The following PTPRN2 variants were observed in gnomAD, a reference collection of about 807,000 sequenced individuals.
The protein encoded by PTPRN2 is protein tyrosine phosphatase receptor type N2.
In PTPRN2, 74 loss-of-function variants were observed where a neutral mutation model predicts 118.8. The observed-to-expected ratio is 0.62, with a 90% confidence interval of 0.52 to 0.76. The LOEUF (loss-of-function observed/expected upper bound fraction) is 0.76, where lower values mean the gene tolerates loss of function less well. Ranked by LOEUF, PTPRN2 falls within the 30% of genes least tolerant of loss-of-function variation. The probability of loss-of-function intolerance (pLI) is 0.00; values close to 1 mark genes in which losing one functional copy is unlikely to be tolerated. For missense variants in PTPRN2, 1,481 were observed against 1,394.4 expected (o/e 1.06, Z -0.99); for synonymous variants, 641 against 608.0 (o/e 1.05, Z -0.80).
At chr7:157,873,982 C>T (rs956738058) in intron 12 of PTPRN2, among the ~76,000 whole-genome samples, 2 of 152,196 alleles carry the variant, frequency 1.3e-5, no homozygotes, top group African/African-American at 2.4e-5. Flanking sequence ...ACAACTCCGG[C>T]AAAGTCCCAG....
intron 6 of PTPRN2, among the ~76,000 whole-genome samples, chr7:158,152,384 G>T (rs1821282729): frequency 6.6e-6 from 1 of 152,156 alleles, no homozygotes; most frequent in Non-Finnish European, 1.5e-5. Context: ...CTGTCTTCAG[G>T]CAGGAGTAGC....
rs1311005483 is a variant in PTPRN2 at position 158,363,944 on chromosome 7, C to CAGACACACACGCACATGGGG, written c.164-47013_164-47012insCCCCATGTGCGTGTGTGTCT. Among the ~76,000 whole-genome samples, 3 of 152,180 alleles carry CAGACACACACGCACATGGGG rather than the reference C, an allele frequency of 2.0e-5. No individual in the cohort carries two copies. In the East Asian group the frequency reaches 5.8e-4, roughly 29 times the overall value. On this transcript the variant is annotated intron_variant, in intron 2 of 22. Transcript: ENST00000389418. ...GCAGACAACCACACACACACATGCA[C>CAGACACACACGCACATGGGG]AGACACACATGCACATGGGGAGACA...
intron 4 of PTPRN2, among the ~76,000 whole-genome samples, chr7:158,199,333 T>C (rs193240690): frequency 1.3e-5 from 2 of 152,322 alleles, no homozygotes; most frequent in South Asian, 4.1e-4. Context: ...CACTCATACC[T>C]ACTGCTTTGC....
intron 11 of PTPRN2, among the ~76,000 whole-genome samples, chr7:157,933,466 T>C (rs1310256248): frequency 2.1e-5 from 3 of 143,784 alleles, no homozygotes; most frequent in Admixed American, 6.9e-5. Flanking sequence ...GTCACTCTGA[T>C]TGACAGTTTT....
chr7:158,533,888 C>A (rs141679760), intron 1 of PTPRN2, among the ~76,000 whole-genome samples: 1 of 152,240 alleles, frequency 6.6e-6, no homozygotes, highest in African/African-American at 2.4e-5. Context: ...TCAGGCCCTC[C>A]GTGCCGCCGT....
At chr7:158,168,332 G>A (rs1278388720) in intron 5 of PTPRN2, among the ~76,000 whole-genome samples, 1 of 152,244 alleles carries the variant, frequency 6.6e-6, no homozygotes, top group Non-Finnish European at 1.5e-5. Context: ...AATGAGAGGA[G>A]CTGCTCCCAG....
chr7:157,568,947 C>T lies in PTPRN2; in HGVS notation c.2857G>A (p.Gly953Ser), dbSNP rs563011675. The stretch of plus-strand genomic sequence containing the variant: ...ACCATGTCGATCAGGACGTAGGTGC[C>T]GCTCCGGCCTGCACCGTCACTGCCA... Reference protein sequence around the residue: ...VHCSDGAGRSGTYVLIDMVLN... With the variant: ...VHCSDGAGRSSTYVLIDMVLN... Residue 953 changes from glycine (G) to serine (S), a missense_variant, in exon 21 of 23, where the codon GGC becomes AGC. Gly to Ser is a moderately conservative substitution (Grantham distance 56). This residue lies in a region of PTPRN2 where 362 missense variants were observed against 384.1 expected (regional missense o/e 0.94). Coordinates refer to ENST00000389418, the MANE Select transcript of PTPRN2 (RefSeq NM_002847.5). 5 of 1,578,110 alleles carry T rather than the reference C, an allele frequency of 3.2e-6. No individual in the cohort carries two copies. The African/African-American group carries it at 4.0e-5, about 13-fold the overall frequency.
intron 2 of PTPRN2, among the ~76,000 whole-genome samples, chr7:158,374,249 G>A (rs1311736966): frequency 6.6e-6 from 1 of 152,136 alleles, no homozygotes; most frequent in Non-Finnish European, 1.5e-5. Context: ...CAATCACAAA[G>A]CTCCCTTGTC....
At chr7:157,781,552 C>T (rs1803681259) in intron 12 of PTPRN2, among the ~76,000 whole-genome samples, 1 of 152,178 alleles carries the variant, frequency 6.6e-6, no homozygotes, top group Non-Finnish European at 1.5e-5. Context: ...AATACTATCC[C>T]AGAGAGCCTG....
intron 11 of PTPRN2, among the ~76,000 whole-genome samples, chr7:158,045,091 T>C (rs1178872667): frequency 6.6e-6 from 1 of 152,176 alleles, no homozygotes; most frequent in Non-Finnish European, 1.5e-5. Flanking sequence ...ATATGCATGA[T>C]ATTGACCCCT....
At chr7:158,370,902 A>G (rs1809938652) in intron 2 of PTPRN2, among the ~76,000 whole-genome samples, 1 of 152,246 alleles carries the variant, frequency 6.6e-6, no homozygotes, top group African/African-American at 2.4e-5. Context: ...ACCACACAAA[A>G]TTAACAATTT....
Position 157,596,253 on chromosome 7 carries a change from G to C in PTPRN2, c.2419-938C>G, listed in dbSNP as rs1008446423. ...GCTTGTTTTTGTGTATCCTGGAAAG[G>C]GGGCACAGGCACAGCCGGTCAGCCT... On this transcript the variant is annotated intron_variant, in intron 16 of 22. Transcript: ENST00000389418. This position sits in a 1 kb window ranked among gnomAD's most constrained non-coding sequence, Gnocchi z 4.2. Among the ~76,000 whole-genome samples the C allele has an allele frequency of 9.2e-5, 14 of 152,180 alleles. No homozygotes were observed. Among genetic ancestry groups the C allele is most frequent in the African/African-American group, 3.4e-4 (14 of 41,458 alleles).
intron 11 of PTPRN2, among the ~76,000 whole-genome samples, chr7:157,914,765 C>T (rs1798302259): frequency 6.6e-6 from 1 of 152,146 alleles, no homozygotes; most frequent in Admixed American, 6.5e-5. Context: ...GATCCTCCTA[C>T]TCTACTGCAA....
At position 157,580,556 on chromosome 7, in the gene PTPRN2, C is replaced by A. The variant is rs1356323276; in HGVS notation, c.2497-2416G>T. ...ACACCCGAGCCGAGCCCCTGCACAT[C>A]TGAGCACCTGCACATCCGAGCCCCT... On this transcript the variant is annotated intron_variant, in intron 17 of 22. Transcript: ENST00000389418. 3.5e-5 allele frequency among the ~76,000 whole-genome samples: 5 copies of A among 144,692 alleles called. No individual in the cohort carries two copies. In the South Asian group the frequency reaches 1.1e-3, roughly 33 times the overall value. The allele number at this position is 144,692 out of a possible 152,430, so 94.9% of individuals were successfully genotyped here. A position where few individuals can be genotyped will look rare whatever the true frequency, so the allele number is the denominator to read the frequency against.
At chr7:158,533,187 G>C (rs1488922759) in intron 1 of PTPRN2, among the ~76,000 whole-genome samples, 1 of 152,200 alleles carries the variant, frequency 6.6e-6, no homozygotes, top group Non-Finnish European at 1.5e-5. Flanking sequence ...AATCCCTGGA[G>C]ATACTGGGCT....
chr7:157,681,369 A>T (rs1796908980), intron 13 of PTPRN2, among the ~76,000 whole-genome samples: 2 of 152,088 alleles, frequency 1.3e-5, no homozygotes, highest in South Asian at 2.1e-4. Flanking sequence ...TTTATGTGAC[A>T]TTTTTTTCAG....
chr7:158,044,801 C>T (rs540417571), intron 11 of PTPRN2, among the ~76,000 whole-genome samples: 4 of 152,224 alleles, frequency 2.6e-5, no homozygotes, highest in Admixed American at 1.3e-4. Context: ...CACCATAGGC[C>T]GACAGGTGCC....
At chr7:157,998,817 C>CA (rs1213090372) in intron 11 of PTPRN2, among the ~76,000 whole-genome samples, 3,726 of 58,534 alleles carry the variant, frequency 0.064, 210 homozygotes, top group African/African-American at 0.17. Flanking sequence ...TACTCCATCT[C>CA]AAAAAAAAAA....
intron 6 of PTPRN2, among the ~76,000 whole-genome samples, chr7:158,140,706 G>C (rs1479368592): frequency 2.0e-5 from 3 of 152,254 alleles, no homozygotes; most frequent in Non-Finnish European, 1.5e-5. Flanking sequence ...AGCGTCGGGT[G>C]TGAGGGTGTG....
Sources: allele counts gnomAD v4.1 joint callset (sites outside exome capture counted in the v4.1 genomes callset), GRCh38; gene constraint gnomAD v4.1.1; regional missense constraint gnomAD v4.1.1; non-coding constraint Gnocchi (gnomAD v3.1); transcripts MANE v1.5; gene names NCBI Gene and HGNC (gene_info 2026-07-23, HGNC 2026-07-21).